CNTNAP2: variants seen among roughly 807,000 people sequenced by gnomAD.
CNTNAP2 encodes contactin associated protein 2.
A neutral mutation model predicts 155.2 loss-of-function variants in CNTNAP2; 98 were observed. That is an observed-to-expected ratio of 0.63 (90% CI 0.54 to 0.75). The LOEUF is 0.75. Among genes scored for constraint, CNTNAP2 ranks in the 30% least tolerant of loss-of-function variants. The probability of loss-of-function intolerance (pLI) is 0.00; values close to 1 mark genes in which losing one functional copy is unlikely to be tolerated. For missense variants in CNTNAP2, 1,727 were observed against 1,688.1 expected, an observed-to-expected ratio of 1.02 and a Z score of -0.40; for synonymous variants, 651 against 631.2, an observed-to-expected ratio of 1.03 and a Z score of -0.47.
chr7:147,831,850 T>C (rs576738836), intron 13 of CNTNAP2: 1 of 152,042 alleles, frequency 6.6e-6, no homozygotes, highest in Non-Finnish European at 1.5e-5. Flanking sequence ...GAATGACACA[T>C]AAATGCATAA....
intron 15 of CNTNAP2, among the ~76,000 whole-genome samples, chr7:148,100,962 G>A (rs929222678): frequency 6.6e-6 from 1 of 152,070 alleles, no homozygotes; most frequent in Non-Finnish European, 1.5e-5. Flanking sequence ...AAAAAATGAA[G>A]AGTTCATGTC....
intron 9 of CNTNAP2, among the ~76,000 whole-genome samples, chr7:147,328,686 G>A (rs980875551): frequency 5.9e-5 from 9 of 152,182 alleles, no homozygotes; most frequent in Non-Finnish European, 7.4e-5. Context: ...TAGTTGGCAA[G>A]ATCAAGAGGC....
rs529429615 is a variant in CNTNAP2, at chr7:147,802,108, C to G, written c.2099-101457C>G. 1.2e-4 allele frequency among the ~76,000 whole-genome samples: 18 copies of G among 147,048 alleles called. No individual in the cohort carries two copies. The East Asian group carries it at 3.7e-3, about 30-fold the overall frequency. ...CTCCTCACTTCTCAGACGGGGCGGC[C>G]GGGCAGAGACGCTCCTCACCTCCCA... On this transcript the variant is annotated intron_variant, in intron 13 of 23. Transcript: ENST00000361727.
chr7:146,872,834 G>T (rs1053910119), intron 3 of CNTNAP2, among the ~76,000 whole-genome samples: 1 of 152,174 alleles, frequency 6.6e-6, no homozygotes, highest in Non-Finnish European at 1.5e-5. Context: ...AAATTGTCAT[G>T]CAAATGGTTC....
At chr7:146,438,313 AT>A (rs1178554870) in intron 1 of CNTNAP2, among the ~76,000 whole-genome samples, 1 of 150,442 alleles carries the variant, frequency 6.6e-6, no homozygotes, top group Non-Finnish European at 1.5e-5. Context: ...GTCTATTCAT[AT>A]CCCCTTGATC....
intron 9 of CNTNAP2, among the ~76,000 whole-genome samples, chr7:147,388,789 C>T (rs760953031): frequency 2.0e-5 from 3 of 152,048 alleles, no homozygotes; most frequent in East Asian, 1.9e-4. Context: ...ACCATGTTGG[C>T]GAAGCTGGTC....
intron 14 of CNTNAP2, among the ~76,000 whole-genome samples, chr7:147,925,171 G>GAAGGAAGA: frequency 1.4e-5 from 2 of 147,044 alleles, no homozygotes; most frequent in African/African-American, 2.5e-5. Context: ...AGGAAGGAAG[G>GAAGGAAGA]AAGGAAGGAA....
At chr7:146,281,807 A>T (rs944035486) in intron 1 of CNTNAP2, among the ~76,000 whole-genome samples, 2 of 151,734 alleles carry the variant, frequency 1.3e-5, no homozygotes, top group East Asian at 1.9e-4. Flanking sequence ...AAAAAAAAAA[A>T]TTACTTAATT....
At chr7:146,452,556 G>T (rs1796499427) in intron 1 of CNTNAP2, among the ~76,000 whole-genome samples, 1 of 152,050 alleles carries the variant, frequency 6.6e-6, no homozygotes, top group Non-Finnish European at 1.5e-5. Context: ...AATTCTCTTT[G>T]ATCCTCACTG....
rs1490464152 is a variant in CNTNAP2 at position 148,417,621 on chromosome 7, T to C, written c.*2005T>C. 6.6e-6 allele frequency: 1 copy of C among 152,242 alleles called. No homozygotes were observed. Among genetic ancestry groups the C allele is most frequent in the Non-Finnish European group, 1.5e-5 (1 of 68,044 alleles). The allele number at this position is 152,242 out of a possible 1,614,324, so 9.4% of individuals were successfully genotyped here. A position where few individuals can be genotyped will look rare whatever the true frequency, so the allele number is the denominator to read the frequency against. On this transcript the variant is annotated 3_prime_UTR_variant, in exon 24 of 24. Transcript: ENST00000361727. ...AGGCTGTTTTATTTAGCCAAGATGA[T>C]TACCATTAGGAGTTACTTTATGTAT...
rs1261276358 is a variant in CNTNAP2 at position 146,397,834 on chromosome 7, A to G, written c.97+280861A>G. On this transcript the variant is annotated intron_variant, in intron 1 of 23. Transcript: ENST00000361727. ...TAGTTAAGATATTTTATGTAGAACT[A>G]TGTCAATATTAATTTTGTATACCAA... Among the ~76,000 whole-genome samples, 3 of 151,498 alleles carry G rather than the reference A, an allele frequency of 2.0e-5. No individual in the cohort carries two copies. In the East Asian group the frequency reaches 5.8e-4, roughly 29 times the overall value.
intron 12 of CNTNAP2, among the ~76,000 whole-genome samples, chr7:147,624,247 T>C (rs1794927399): frequency 6.6e-6 from 1 of 151,446 alleles, no homozygotes; most frequent in Non-Finnish European, 1.5e-5. Flanking sequence ...AAAGCAAAAA[T>C]GGATAAATGT....
At chr7:146,844,816 A>G (rs1242953610) in intron 3 of CNTNAP2, among the ~76,000 whole-genome samples, 1 of 152,140 alleles carries the variant, frequency 6.6e-6, no homozygotes, top group Non-Finnish European at 1.5e-5. Flanking sequence ...ATGCTTGTAT[A>G]TTCTCAGTTA....
At chr7:148,312,935 C>T (rs1213396210) in intron 21 of CNTNAP2, among the ~76,000 whole-genome samples, 5 of 145,142 alleles carry the variant, frequency 3.4e-5, no homozygotes, top group African/African-American at 1.0e-4. Flanking sequence ...GTGAAGGAGG[C>T]GTTGAACTGG....
chr7:148,413,467 A>G lies in CNTNAP2; in HGVS notation c.3797-1950A>G, dbSNP rs1163030503. 1.2e-4 allele frequency among the ~76,000 whole-genome samples: 16 copies of G among 131,276 alleles called. 3 individuals are homozygous for G. The highest frequency in any genetic ancestry group is 4.6e-4 in the African/African-American group (16 of 34,858). The allele number at this position is 131,276 out of a possible 152,430, so 86.1% of individuals were successfully genotyped here. A position where few individuals can be genotyped will look rare whatever the true frequency, so the allele number is the denominator to read the frequency against. On this transcript the variant is annotated intron_variant, in intron 23 of 23. Transcript: ENST00000361727. ...ATATATTGCTCCATAGTTTTCTTGT[A>G]ACATTTTTCTGGTTTTAGTGTCAGG...
intron 14 of CNTNAP2, among the ~76,000 whole-genome samples, chr7:147,965,496 C>T (rs1801193868): frequency 6.6e-6 from 1 of 151,580 alleles, no homozygotes; most frequent in African/African-American, 2.4e-5. Flanking sequence ...ATTACTAGAT[C>T]CCTTTGTGTC....
intron 3 of CNTNAP2, among the ~76,000 whole-genome samples, chr7:147,029,089 G>A (rs980739435): frequency 6.6e-6 from 1 of 150,658 alleles, no homozygotes; most frequent in Non-Finnish European, 1.5e-5. Flanking sequence ...TCAGCCTCGC[G>A]AGTAGCTGGG....
intron 3 of CNTNAP2, among the ~76,000 whole-genome samples, chr7:146,949,472 T>G (rs1797265242): frequency 2.6e-5 from 4 of 152,196 alleles, no homozygotes; most frequent in Admixed American, 6.6e-5. Context: ...GTTTTGACTC[T>G]GATCTGAAAA....
intron 1 of CNTNAP2, among the ~76,000 whole-genome samples, chr7:146,141,941 C>T (rs1562965884): frequency 1.3e-5 from 2 of 152,212 alleles, no homozygotes; most frequent in South Asian, 4.1e-4. Flanking sequence ...AAGATGATCT[C>T]AAAGAGGGCT....
Sources: allele counts gnomAD v4.1 joint callset (sites outside exome capture counted in the v4.1 genomes callset), GRCh38; gene constraint gnomAD v4.1.1; transcripts MANE v1.5; gene names NCBI Gene and HGNC (gene_info 2026-07-23, HGNC 2026-07-21).